EVA1A: variants seen among roughly 807,000 people sequenced by gnomAD.
EVA1A encodes the protein eva-1 homolog A, regulator of programmed cell death, also known as protein eva-1 homolog A.
A neutral mutation model predicts 9.8 loss-of-function variants in EVA1A; 7 were observed. The observed-to-expected ratio is 0.71, with a 90% CI of 0.41 to 1.34. EVA1A has a LOEUF of 1.34. EVA1A is among the 40% of genes most tolerant of loss of function. The pLI is 0.01. For missense variants in EVA1A, 206 were observed against 205.9 expected (o/e 1.00, Z 0.00); for synonymous variants, 90 against 85.6 (o/e 1.05, Z -0.28).
At chr2:75,565,136 T>C (rs1677001372), upstream of EVA1A, among the ~76,000 whole-genome samples, 1 of 152,218 alleles carries the variant, frequency 6.6e-6, no homozygotes, top group Admixed American at 6.5e-5. Flanking sequence ...TCCTGGAGAC[T>C]GCTCGCCCTT....
chr2:75,518,945 T>A (rs1675137834), intron 2 of EVA1A: 2 of 837,294 alleles, frequency 2.4e-6, no homozygotes, highest in Non-Finnish European at 2.9e-6. Flanking sequence ...GCTCCCTGCC[T>A]CTAGCTCCAT....
upstream of EVA1A, chr2:75,561,281 C>CCT (rs1676915483): frequency 6.6e-6 from 1 of 152,252 alleles, no homozygotes; most frequent in African/African-American, 2.4e-5. Flanking sequence ...CAGCATCCAT[C>CCT]CTCTCATTCC....
chr2:75,538,349 A>G (rs900365730), intron 1 of EVA1A, among the ~76,000 whole-genome samples: 1 of 152,212 alleles, frequency 6.6e-6, no homozygotes, highest in Non-Finnish European at 1.5e-5. Flanking sequence ...GGTTGCAGGC[A>G]ACATAAACTT....
chr2:75,543,584 C>A (rs531481454), intron 1 of EVA1A, among the ~76,000 whole-genome samples: 1 of 152,148 alleles, frequency 6.6e-6, no homozygotes, highest in Non-Finnish European at 1.5e-5. Flanking sequence ...CACCCCACCC[C>A]GCAAGGAGCT....
intron 1 of EVA1A, among the ~76,000 whole-genome samples, chr2:75,546,292 C>T (rs1029824887): frequency 2.0e-5 from 3 of 152,136 alleles, no homozygotes; most frequent in Non-Finnish European, 4.4e-5. Context: ...CATCTTTTCA[C>T]CTTTATATCC....
chr2:75,536,620 A>C (rs1270483907), intron 1 of EVA1A, among the ~76,000 whole-genome samples: 1 of 152,228 alleles, frequency 6.6e-6, no homozygotes, highest in African/African-American at 2.4e-5. Context: ...AACAGTAGAT[A>C]TCACTAACAG....
chr2:75,539,938 C>T (rs932826320), intron 1 of EVA1A, among the ~76,000 whole-genome samples: 1 of 152,124 alleles, frequency 6.6e-6, no homozygotes, highest in Non-Finnish European at 1.5e-5. Context: ...GAACCAGGAA[C>T]CATGGAGGAC....
chr2:75,538,243 T>A (rs2103925565), intron 1 of EVA1A, among the ~76,000 whole-genome samples: 1 of 152,154 alleles, frequency 6.6e-6, no homozygotes, highest in Middle Eastern at 3.4e-3. Flanking sequence ...CACTGGGAGC[T>A]GAGATTGCAC....
intron 1 of EVA1A, among the ~76,000 whole-genome samples, chr2:75,526,602 T>C (rs1004202116): frequency 4.6e-5 from 7 of 152,212 alleles, no homozygotes; most frequent in African/African-American, 1.2e-4. Flanking sequence ...CCAACTCCAG[T>C]GCTCTTAACT....
chr2:75,545,611 T>C (rs1297234191), intron 1 of EVA1A, among the ~76,000 whole-genome samples: 1 of 151,744 alleles, frequency 6.6e-6, no homozygotes, highest in East Asian at 1.9e-4. Flanking sequence ...AGAGAAAAAG[T>C]GGTGACCAGA....
intron 1 of EVA1A, among the ~76,000 whole-genome samples, chr2:75,548,395 AC>A (rs1463514047): frequency 6.6e-6 from 1 of 152,070 alleles, no homozygotes; most frequent in Non-Finnish European, 1.5e-5. Context: ...TTGACCTCCC[AC>A]AGTGCTGAGA....
intron 3 of EVA1A, among the ~76,000 whole-genome samples, chr2:75,500,613 T>G (rs1009513162): frequency 6.6e-6 from 1 of 152,164 alleles, no homozygotes; most frequent in African/African-American, 2.4e-5. Flanking sequence ...AAAACTCCCA[T>G]GTACCTTCCA....
intron 1 of EVA1A, chr2:75,541,981 C>T (rs905330319): frequency 6.6e-6 from 1 of 152,254 alleles, no homozygotes; most frequent in African/African-American, 2.4e-5. Flanking sequence ...TTCCCATAAT[C>T]CCCATGTGTT....
chr2:75,549,659 A>G (rs1388878240), intron 1 of EVA1A, among the ~76,000 whole-genome samples: 1 of 152,162 alleles, frequency 6.6e-6, no homozygotes, highest in Non-Finnish European at 1.5e-5. Context: ...TGAATGATGT[A>G]CTGTTTACTT....
intron 1 of EVA1A, among the ~76,000 whole-genome samples, chr2:75,559,253 A>G (rs534410468): frequency 1.3e-5 from 2 of 152,356 alleles, no homozygotes; most frequent in African/African-American, 4.8e-5. Flanking sequence ...ATCCTCTTCT[A>G]CTTACATGAT....
At chr2:75,505,971 GTATA>G (rs1674607889) in intron 3 of EVA1A, among the ~76,000 whole-genome samples, 1 of 152,090 alleles carries the variant, frequency 6.6e-6, no homozygotes, top group Non-Finnish European at 1.5e-5. Context: ...TATAGTCAGA[GTATA>G]TATAGACATG....
intron 1 of EVA1A, among the ~76,000 whole-genome samples, chr2:75,555,414 C>T (rs1676677350): frequency 6.7e-6 from 1 of 150,338 alleles, no homozygotes; most frequent in Non-Finnish European, 1.5e-5. Flanking sequence ...CTTAGCAATT[C>T]ATACAGACTT....
chr2:75,509,453 A>G (rs1278016370), intron 3 of EVA1A, among the ~76,000 whole-genome samples: 1 of 152,146 alleles, frequency 6.6e-6, no homozygotes, highest in Non-Finnish European at 1.5e-5. Flanking sequence ...TTTTATTTTG[A>G]GGGAGCACTT....
intron 1 of EVA1A, among the ~76,000 whole-genome samples, chr2:75,537,559 G>T (rs755921061): frequency 1.3e-5 from 2 of 152,174 alleles, no homozygotes; most frequent in Non-Finnish European, 1.5e-5. Flanking sequence ...TGTCAATAGA[G>T]ATCCCAAGGA....
Sources: allele counts gnomAD v4.1 joint callset (sites outside exome capture counted in the v4.1 genomes callset), GRCh38; gene constraint gnomAD v4.1.1; transcripts MANE v1.5; gene names NCBI Gene and HGNC (gene_info 2026-07-23, HGNC 2026-07-21).